Variants in PTGR1 observed in about 807,000 individuals in gnomAD.
PTGR1 encodes the protein prostaglandin reductase 1.
Under a neutral mutation model 37.7 loss-of-function variants are expected in PTGR1, and 23 were observed. The observed-to-expected ratio is 0.61, with a 90% CI of 0.44 to 0.86. The LOEUF (loss-of-function observed/expected upper bound fraction) is 0.86, where lower values mean the gene tolerates loss of function less well. PTGR1 is among the 40% of genes least tolerant of loss of function. The pLI is 0.00. For missense variants in PTGR1, 351 were observed against 394.3 expected (o/e 0.89, Z 0.93); for synonymous variants, 134 against 140.0 (o/e 0.96, Z 0.30).
At chr9:111,561,110 T>TATAGAGAGAGAGAGAG (rs1457364862), downstream of PTGR1, among the ~76,000 whole-genome samples, 10 of 19,190 alleles carry the variant, frequency 5.2e-4, 1 homozygote, top group African/African-American at 7.9e-4. Flanking sequence ...TATATATATA[T>TATAGAGAGAGAGAGAG]AGAGAGAGAG....
chr9:111,579,170 C>T (rs1423294611), intron 6 of PTGR1, among the ~76,000 whole-genome samples: 1 of 151,902 alleles, frequency 6.6e-6, no homozygotes, highest in African/African-American at 2.4e-5. Context: ...GACCACCCAG[C>T]AGGTCCCTTC....
At chr9:111,562,390 C>T (rs1345589184), downstream of PTGR1, among the ~76,000 whole-genome samples, 2 of 151,372 alleles carry the variant, frequency 1.3e-5, no homozygotes, top group Non-Finnish European at 2.9e-5. Flanking sequence ...AGTCTCCTGT[C>T]TCAGCCTCCC....
chr9:111,553,035 A>G (rs1202829600), intron 9 of PTGR1, among the ~76,000 whole-genome samples: 1 of 152,212 alleles, frequency 6.6e-6, no homozygotes, highest in Non-Finnish European at 1.5e-5. Flanking sequence ...GACCCTTTTA[A>G]AAGTTGTTTA....
Position 111,585,806 on chromosome 9 carries a change from G to A in PTGR1, c.377+192C>T, listed in dbSNP as rs530697505. On this transcript the variant is annotated intron_variant, in intron 5 of 9. Transcript: ENST00000407693. ...GTATTCTGCTATGTATATAGACCAC[G>A]TTTTCTTTATCCATTCACCCATTGA... Among the ~76,000 whole-genome samples the A allele has an allele frequency of 1.1e-4, 17 of 152,188 alleles. No homozygotes were observed. The South Asian group carries it at 3.1e-3, about 28-fold the overall frequency.
chr9:111,552,918 A>G (rs1200338325), intron 9 of PTGR1, among the ~76,000 whole-genome samples: 1 of 152,062 alleles, frequency 6.6e-6, no homozygotes, highest in East Asian at 1.9e-4. Flanking sequence ...TTTCCTCATA[A>G]TTTTCTAAAT....
Position 111,595,997 on chromosome 9 carries a change from A to T in PTGR1, c.106+1320T>A, listed in dbSNP as rs117974477. 1.6e-3 allele frequency among the ~76,000 whole-genome samples: 240 copies of T among 152,318 alleles called. 5 individuals are homozygous for T. In the East Asian group the frequency reaches 0.036, roughly 23 times the overall value. ...GGGCAGTGCTTACCTCACTGCCATC[A>T]TCAGGCTTATGAGGATAGAGAGGAC... On this transcript the variant is annotated intron_variant, in intron 2 of 9. Transcript: ENST00000407693.
At chr9:111,565,752 T>C (rs1589293393) in intron 9 of PTGR1, among the ~76,000 whole-genome samples, 2 of 152,126 alleles carry the variant, frequency 1.3e-5, no homozygotes, top group East Asian at 3.9e-4. Context: ...CTTGGACTCC[T>C]GGGCTCAAGC....
At chr9:111,549,957 G>A (rs778175446) in intron 9 of PTGR1, among the ~76,000 whole-genome samples, 3 of 152,134 alleles carry the variant, frequency 2.0e-5, no homozygotes, top group African/African-American at 4.8e-5. Flanking sequence ...TGTATGCATC[G>A]TGATTGTTTT....
At chr9:111,599,306 C>A (rs1829872878) in intron 1 of PTGR1, 1 of 152,366 alleles carries the variant, frequency 6.6e-6, no homozygotes, top group Non-Finnish European at 1.5e-5. Context: ...AGCAAGTTCC[C>A]TGGCCAGCCC....
At chr9:111,553,187 C>G (rs539718538) in intron 9 of PTGR1, among the ~76,000 whole-genome samples, 60 of 152,230 alleles carry the variant, frequency 3.9e-4, no homozygotes, top group Admixed American at 9.2e-4. Context: ...ATCTTTAACA[C>G]TTTTGAATAG....
intron 1 of PTGR1, among the ~76,000 whole-genome samples, chr9:111,597,681 C>T (rs1290345512): frequency 1.3e-5 from 2 of 152,102 alleles, no homozygotes; most frequent in African/African-American, 2.4e-5. Flanking sequence ...TGCCAGTGTA[C>T]GGATGAGGAA....
downstream of PTGR1, among the ~76,000 whole-genome samples, chr9:111,559,647 G>GCA (rs60224675): frequency 0.2 from 29,625 of 150,640 alleles, 4,533 homozygotes; most frequent in African/African-American, 0.42. Context: ...CACACATACA[G>GCA]CACACACACA....
intron 4 of PTGR1, chr9:111,589,464 C>T (rs1829541240): frequency 2.8e-6 from 2 of 701,994 alleles, no homozygotes; most frequent in Admixed American, 1.3e-4. Flanking sequence ...GCCATGTTTC[C>T]CAGGCTGGTC....
intron 6 of PTGR1, 95 bp from the exon 7 acceptor site, chr9:111,579,046 A>C: frequency 3.3e-6 from 4 of 1,229,152 alleles, no homozygotes; most frequent in Non-Finnish European, 4.4e-6. Context: ...GTTCCCTAGG[A>C]ACACTCTCTT....
intron 2 of PTGR1, among the ~76,000 whole-genome samples, chr9:111,596,926 CA>C (rs71494900): frequency 0.35 from 31,328 of 89,530 alleles, 3,411 homozygotes; most frequent in Middle Eastern, 0.48. Context: ...GACTCTGTCT[CA>C]AAAAAAAAAA....
At chr9:111,576,646 CA>C in intron 7 of PTGR1, 1 of 499,436 alleles carries the variant, frequency 2.0e-6, no homozygotes, top group Non-Finnish European at 3.5e-6. Context: ...TTAAGGATTT[CA>C]GATTATAGTC....
chr9:111,587,746 G>A (rs550181853), intron 4 of PTGR1, among the ~76,000 whole-genome samples: 20 of 152,174 alleles, frequency 1.3e-4, no homozygotes, highest in Admixed American at 6.5e-4. Flanking sequence ...CACCGCGCCC[G>A]GATGTATTAT....
At position 111,574,733 on chromosome 9, in the gene PTGR1, C is replaced by T. The variant is rs370903680; in HGVS notation, c.760+1G>A. On this transcript the variant is annotated splice_donor_variant, in intron 8 of 9. Coordinates refer to ENST00000407693, the MANE Select transcript of PTGR1 (RefSeq NM_001146108.2). LOFTEE classifies it high-confidence loss of function. Reference sequence around the variant, plus strand: ...TGGGATCGTGTGCATGTGCTCATTACCTGGGGGAAGTGGGCCGGTTCTGTT... The same window carrying T: ...TGGGATCGTGTGCATGTGCTCATTATCTGGGGGAAGTGGGCCGGTTCTGTT... 5.5e-5 allele frequency: 88 copies of T among 1,608,928 alleles called. No homozygotes were observed. Among genetic ancestry groups the T allele is most frequent in the Non-Finnish European group, 7.3e-5 (86 of 1,176,666 alleles).
intron 1 of PTGR1, among the ~76,000 whole-genome samples, chr9:111,598,062 A>C (rs918160382): frequency 4.6e-5 from 7 of 150,840 alleles, no homozygotes; most frequent in Non-Finnish European, 7.4e-5. Context: ...TGTGTTGCCT[A>C]GGCGATCCGC....
Sources: allele counts gnomAD v4.1 joint callset (sites outside exome capture counted in the v4.1 genomes callset), GRCh38; gene constraint gnomAD v4.1.1; transcripts MANE v1.5; gene names NCBI Gene and HGNC (gene_info 2026-07-23, HGNC 2026-07-21).